ACTL6A: variants seen among roughly 807,000 people sequenced by gnomAD.
The protein encoded by ACTL6A is actin-like protein 6A.
ACTL6A carries 5 observed loss-of-function variants against 59.2 expected under a neutral mutation model. The ratio of observed to expected loss-of-function variants is 0.08; its 90% CI spans 0.04 to 0.18. The LOEUF is 0.18. Ranked by LOEUF, ACTL6A falls within the 10% of genes least tolerant of loss-of-function variation. The pLI is 1.00. For synonymous variants in ACTL6A, 154 were observed against 171.8 expected, an observed-to-expected ratio of 0.90 and a Z score of 0.81; for missense variants, 285 against 526.9, an observed-to-expected ratio of 0.54 and a Z score of 4.49.
At chr3:179,565,297 C>T (rs1717798960) in intron 1 of ACTL6A, among the ~76,000 whole-genome samples, 1 of 151,426 alleles carries the variant, frequency 6.6e-6, no homozygotes, top group Non-Finnish European at 1.5e-5. Context: ...ATTAGCCAGG[C>T]GTGGTGGTGC....
At chr3:179,573,082 A>G (rs1718061901) in intron 3 of ACTL6A, among the ~76,000 whole-genome samples, 1 of 151,414 alleles carries the variant, frequency 6.6e-6, no homozygotes, top group Admixed American at 6.6e-5. Context: ...CTGGGCCTCT[A>G]ATAAGTATTT....
intron 13 of ACTL6A, among the ~76,000 whole-genome samples, chr3:179,587,275 C>T (rs1454393385): frequency 6.6e-6 from 1 of 151,868 alleles, no homozygotes; most frequent in Non-Finnish European, 1.5e-5. Flanking sequence ...GGAGGATGCC[C>T]TTTACCTCAG....
chr3:179,578,028 G>T (rs1319430448), intron 8 of ACTL6A, among the ~76,000 whole-genome samples: 2 of 152,188 alleles, frequency 1.3e-5, no homozygotes, highest in Non-Finnish European at 2.9e-5. Context: ...CAGGTCAAGT[G>T]GTAGTTCTGG....
At chr3:179,563,196 C>G in intron 1 of ACTL6A, 79 bp downstream of exon 1, 3 of 1,529,924 alleles carry the variant, frequency 2.0e-6, no homozygotes, top group South Asian at 1.2e-5. Flanking sequence ...GCCCTCCCCT[C>G]CCCGGCGTTC....
chr3:179,586,223 A>G (rs1219301452), intron 12 of ACTL6A, among the ~76,000 whole-genome samples: 1 of 152,196 alleles, frequency 6.6e-6, no homozygotes, highest in Admixed American at 6.5e-5. Context: ...AGTACTTTTA[A>G]AAGTCTGTAC....
chr3:179,577,394 A>G (rs1184116343), intron 8 of ACTL6A, among the ~76,000 whole-genome samples: 1 of 152,144 alleles, frequency 6.6e-6, no homozygotes, highest in Non-Finnish European at 1.5e-5. Context: ...TCTCTTTACT[A>G]AAAACCCATC....
At chr3:179,571,910 C>T (rs1718019981) in intron 3 of ACTL6A, among the ~76,000 whole-genome samples, 1 of 128,962 alleles carries the variant, frequency 7.8e-6, no homozygotes, top group African/African-American at 2.9e-5. Flanking sequence ...AACTGTTTGC[C>T]AGTCATGTTT....
chr3:179,576,493 T>C, intron 6 of ACTL6A, 127 bp from the exon 7 acceptor site: 1 of 820,508 alleles, frequency 1.2e-6, no homozygotes, highest in Non-Finnish European at 2.0e-6. Context: ...GCTTTATTTA[T>C]GTGTTGAAGG....
intron 10 of ACTL6A, 48 bp from the exon 11 acceptor site, chr3:179,581,092 T>C (rs2108367633): frequency 6.2e-7 from 1 of 1,603,348 alleles, no homozygotes; most frequent in East Asian, 2.2e-5. Context: ...GGATATGCTT[T>C]ACTGTATGAA....
intron 5 of ACTL6A, 141 bp downstream of exon 5, chr3:179,574,608 A>G (rs1718111086): frequency 1.5e-6 from 1 of 670,700 alleles, no homozygotes; most frequent in African/African-American, 1.8e-5. Context: ...TTAGCTATTC[A>G]TCTTTTAGTA....
At position 179,570,293 on chromosome 3, in the gene ACTL6A, A is replaced by G. The variant is rs1005636140; in HGVS notation, c.277+52A>G. 6.8e-7 allele frequency: 1 copy of G among 1,465,480 alleles called. No homozygotes were observed. Among genetic ancestry groups the G allele is most frequent in the Non-Finnish European group, 9.1e-7 (1 of 1,094,602 alleles). 90.8% of individuals were successfully genotyped at this position (1,465,480 alleles called of 1,614,324 possible). ...TTATGGAGTGTACATGTTATATTTT[A>G]GATACAAAGTAGTAGCTTCCTATAA... On this transcript the variant is annotated intron_variant, in intron 3 of 13. Coordinates refer to ENST00000429709, the MANE Select transcript of ACTL6A (RefSeq NM_004301.5). The surrounding 1 kb of genome is among the most constrained non-coding windows in gnomAD (Gnocchi z 4.3).
rs539988204 is a variant in ACTL6A at position 179,580,812 on chromosome 3, A to T, written c.831-82A>T. 6.4e-6 allele frequency: 9 copies of T among 1,403,694 alleles called. No individual in the cohort carries two copies. In the African/African-American group the frequency reaches 1.2e-4, roughly 18 times the overall value. The allele number at this position is 1,403,694 out of a possible 1,614,324, so 87.0% of individuals were successfully genotyped here. On this transcript the variant is annotated intron_variant, in intron 9 of 13. Coordinates refer to ENST00000429709, the MANE Select transcript of ACTL6A (RefSeq NM_004301.5). ...TCTCACTCCCTTTTTTTTTTTTACA[A>T]GTTTATAATTCCCTAGTAGTTTATA...
At chr3:179,573,216 A>G (rs937127365) in intron 3 of ACTL6A, 153 bp from the exon 4 acceptor site, 8 of 526,278 alleles carry the variant, frequency 1.5e-5, no homozygotes, top group Non-Finnish European at 2.3e-5. Context: ...GGTAATCTCT[A>G]TATAAAGTAA....
intron 8 of ACTL6A, among the ~76,000 whole-genome samples, chr3:179,578,624 GA>G (rs564897061): frequency 6.7e-6 from 1 of 148,802 alleles, no homozygotes; most frequent in Non-Finnish European, 1.5e-5. Flanking sequence ...TCTCAAAAAA[GA>G]AAAAAAAACA....
Position 179,570,134 on chromosome 3 carries a change from A to G in ACTL6A, c.170A>G (p.Asp57Gly). 1 of 1,614,168 alleles carries G rather than the reference A, an allele frequency of 6.2e-7. No homozygotes were observed. Among genetic ancestry groups the G allele is most frequent in the African/African-American group, 1.3e-5 (1 of 75,040 alleles). Residue 57 changes from aspartate (D) to glycine (G), a missense_variant, in exon 3 of 14, where the codon GAT becomes GGT. Asp to Gly is a moderately conservative substitution (Grantham distance 94). Transcript: ENST00000429709. This position sits in a 1 kb window ranked among gnomAD's most constrained non-coding sequence, Gnocchi z 4.3. ...RDDGSTLMEI[D>G]GDKGKQGGPT... ...GACGGAAGCACATTAATGGAAATAG[A>G]TGGCGATAAAGGCAAACAAGGCGGT...
chr3:179,575,449 A>G (rs1445901874), intron 5 of ACTL6A: 2 of 456,728 alleles, frequency 4.4e-6, no homozygotes, highest in Non-Finnish European at 8.8e-6. Flanking sequence ...TTCAGGGAAA[A>G]GGCAGTTTTG....
At chr3:179,583,069 A>G (rs756117363) in intron 11 of ACTL6A, among the ~76,000 whole-genome samples, 11 of 152,202 alleles carry the variant, frequency 7.2e-5, no homozygotes, top group Non-Finnish European at 1.6e-4. Flanking sequence ...TGTAGGCAAT[A>G]TAACGAGACC....
chr3:179,572,959 G>A (rs933093903), intron 3 of ACTL6A, among the ~76,000 whole-genome samples: 2 of 149,666 alleles, frequency 1.3e-5, no homozygotes, highest in African/African-American at 4.9e-5. Context: ...TTTGAGTGTC[G>A]GGTCTAGACC....
At chr3:179,576,580 G>T in intron 6 of ACTL6A, 40 bp from the exon 7 acceptor site, 1 of 1,505,344 alleles carries the variant, frequency 6.6e-7, no homozygotes, top group South Asian at 1.1e-5. Flanking sequence ...AGGAAGTTTG[G>T]ACTTACTGCC....
Sources: gnomAD v4.1 joint callset for allele counts (sites outside exome capture counted in the v4.1 genomes callset) on GRCh38, gnomAD v4.1.1 for gene constraint, Gnocchi (gnomAD v3.1) non-coding constraint, MANE v1.5 for transcripts, NCBI Gene and HGNC (gene_info 2026-07-23, HGNC 2026-07-21) for gene names.